The following UBTD2 variants were observed in gnomAD, a reference collection of about 807,000 sequenced individuals.
UBTD2 encodes ubiquitin domain containing 2.
A neutral mutation model predicts 19.8 loss-of-function variants in UBTD2; 9 were observed. The ratio of observed to expected loss-of-function variants is 0.46; its 90% CI spans 0.27 to 0.79. UBTD2 has a LOEUF of 0.79. Among genes scored for constraint, UBTD2 ranks in the 30% least tolerant of loss-of-function variants. The probability of loss-of-function intolerance (pLI) is 0.14; values close to 1 mark genes in which losing one functional copy is unlikely to be tolerated. For missense variants in UBTD2, 250 were observed against 300.4 expected, an observed-to-expected ratio of 0.83 and a Z score of 1.24; for synonymous variants, 98 against 103.9, an observed-to-expected ratio of 0.94 and a Z score of 0.35.
chr5:172,226,453 C>T (rs1054973310), intron 2 of UBTD2, among the ~76,000 whole-genome samples: 13 of 152,114 alleles, frequency 8.5e-5, no homozygotes, highest in African/African-American at 2.2e-4. Context: ...ATAATAAGCA[C>T]GTGAAAAATT....
intron 1 of UBTD2, among the ~76,000 whole-genome samples, chr5:172,251,680 C>A (rs960107076): frequency 6.6e-6 from 1 of 151,498 alleles, no homozygotes; most frequent in African/African-American, 2.4e-5. Flanking sequence ...AGCTGTTCTT[C>A]AGAATGAAGG....
chr5:172,243,399 T>C (rs944460935), intron 1 of UBTD2, among the ~76,000 whole-genome samples: 1 of 151,926 alleles, frequency 6.6e-6, no homozygotes, highest in Admixed American at 6.6e-5. Context: ...CTAGTGACCT[T>C]GTAAGACTAG....
At chr5:172,230,213 T>A (rs1230626190) in intron 2 of UBTD2, among the ~76,000 whole-genome samples, 6 of 152,164 alleles carry the variant, frequency 3.9e-5, no homozygotes, top group African/African-American at 1.4e-4. Context: ...ACTCTCCCCA[T>A]TGCCACTTGA....
At chr5:172,212,506 CTAATAT>C (rs1164615007) in intron 2 of UBTD2, among the ~76,000 whole-genome samples, 2 of 152,150 alleles carry the variant, frequency 1.3e-5, no homozygotes, top group Admixed American at 6.5e-5. Flanking sequence ...AAATGTACTA[CTAATAT>C]TATTAATGCT....
chr5:172,251,157 C>CAA (rs78381770), intron 1 of UBTD2, among the ~76,000 whole-genome samples: 2 of 136,848 alleles, frequency 1.5e-5, no homozygotes, highest in East Asian at 2.1e-4. Context: ...ACTAAAAATA[C>CAA]AAAAAAAAAA....
At chr5:172,254,701 C>A in intron 1 of UBTD2, 1 of 518,590 alleles carries the variant, frequency 1.9e-6, no homozygotes, top group Non-Finnish European at 3.4e-6. Context: ...GCAAGATGAC[C>A]AAAGGGTGAT....
chr5:172,253,665 G>C (rs1755076250), intron 1 of UBTD2, among the ~76,000 whole-genome samples: 1 of 151,740 alleles, frequency 6.6e-6, no homozygotes, highest in South Asian at 2.1e-4. Flanking sequence ...TTTTGGCCAG[G>C]ATGGTCTCGA....
At chr5:172,227,668 C>CCA (rs1392346758) in intron 2 of UBTD2, among the ~76,000 whole-genome samples, 1 of 150,906 alleles carries the variant, frequency 6.6e-6, no homozygotes, top group Non-Finnish European at 1.5e-5. Flanking sequence ...TAGGCGTGAG[C>CCA]CACCATGCCT....
In UBTD2 at chr5:172,283,520, C is replaced by A. The variant is rs146756920; in HGVS notation, c.70+76G>T. 1.3e-5 allele frequency: 15 copies of A among 1,165,796 alleles called. No homozygotes were observed. The African/African-American group carries it at 2.4e-4, about 19-fold the overall frequency. 72.2% of individuals were successfully genotyped at this position (1,165,796 alleles called of 1,614,324 possible). The stretch of plus-strand genomic sequence containing the variant: ...AGGGGCGCGGGGGCCCGGCGCGGCC[C>A]GCGGGGGTCGGGACAGGTGGCCGGG... On this transcript the variant is annotated intron_variant, in intron 1 of 2. Transcript: ENST00000393792. This position sits in a 1 kb window ranked among gnomAD's most constrained non-coding sequence, Gnocchi z 4.3.
In UBTD2 at chr5:172,211,698, A is replaced by G; in HGVS notation, c.*132T>C. 2 of 995,360 alleles carry G rather than the reference A, an allele frequency of 2.0e-6. No homozygotes were observed. The highest frequency in any genetic ancestry group is 2.7e-6 in the Non-Finnish European group (2 of 737,378). 61.7% of individuals were successfully genotyped at this position (995,360 alleles called of 1,614,324 possible). ...TCACAGATGGAATTTTTCACTGGTA[A>G]TTCCTCAGAACTAAATCCATTCATA... On this transcript the variant is annotated 3_prime_UTR_variant, in exon 3 of 3. Transcript: ENST00000393792.
chr5:172,279,792 G>A (rs1403014741), intron 1 of UBTD2, among the ~76,000 whole-genome samples: 2 of 152,196 alleles, frequency 1.3e-5, no homozygotes, highest in African/African-American at 2.4e-5. Context: ...GGTCCTAAAT[G>A]CCAACTCCAG....
At chr5:172,264,994 T>C (rs991218559) in intron 1 of UBTD2, among the ~76,000 whole-genome samples, 1 of 152,252 alleles carries the variant, frequency 6.6e-6, no homozygotes, top group African/African-American at 2.4e-5. Flanking sequence ...AAGCCTGAAT[T>C]TCTGCTTCAT....
intron 1 of UBTD2, among the ~76,000 whole-genome samples, chr5:172,269,588 G>A (rs987385545): frequency 9.9e-5 from 15 of 151,654 alleles, no homozygotes; most frequent in Non-Finnish European, 1.8e-4. Context: ...GAAAGAAATT[G>A]AGTCGCACAC....
At chr5:172,282,251 T>C (rs1460949674) in intron 1 of UBTD2, among the ~76,000 whole-genome samples, 1 of 152,224 alleles carries the variant, frequency 6.6e-6, no homozygotes, top group Non-Finnish European at 1.5e-5. Flanking sequence ...CCTTTTTATC[T>C]TCCTGCTTTG....
At chr5:172,236,211 C>T (rs1317182991) in intron 1 of UBTD2, among the ~76,000 whole-genome samples, 1 of 152,232 alleles carries the variant, frequency 6.6e-6, no homozygotes, top group African/African-American at 2.4e-5. Context: ...TCAGCATTAA[C>T]TCAAATACTT....
intron 2 of UBTD2, among the ~76,000 whole-genome samples, chr5:172,215,091 T>G (rs1349272732): frequency 6.6e-6 from 1 of 152,170 alleles, no homozygotes; most frequent in Non-Finnish European, 1.5e-5. Flanking sequence ...ACCTCAAATG[T>G]AACCAAGTGA....
intron 1 of UBTD2, among the ~76,000 whole-genome samples, chr5:172,260,881 C>T (rs894894642): frequency 6.6e-5 from 10 of 152,172 alleles, no homozygotes; most frequent in Non-Finnish European, 5.9e-5. Context: ...TTAGGAAGAG[C>T]ATCTCTGTGA....
intron 1 of UBTD2, among the ~76,000 whole-genome samples, chr5:172,273,697 T>A (rs1320074851): frequency 2.7e-5 from 4 of 150,644 alleles, no homozygotes; most frequent in Non-Finnish European, 5.9e-5. Context: ...GGAAGGTAGA[T>A]GATCAGGAAG....
chr5:172,253,258 G>A (rs1001806493), intron 1 of UBTD2, among the ~76,000 whole-genome samples: 27 of 151,986 alleles, frequency 1.8e-4, no homozygotes, highest in African/African-American at 6.5e-4. Flanking sequence ...TTTATTTTTA[G>A]CTTACTTAAG....
Sources: gnomAD v4.1 joint callset for allele counts (sites outside exome capture counted in the v4.1 genomes callset) on GRCh38, gnomAD v4.1.1 for gene constraint, Gnocchi (gnomAD v3.1) non-coding constraint, MANE v1.5 for transcripts, NCBI Gene and HGNC (gene_info 2026-07-23, HGNC 2026-07-21) for gene names.